The following KDM3B variants were observed in gnomAD, a reference collection of about 807,000 sequenced individuals.
The protein encoded by KDM3B is lysine-specific demethylase 3B.
In KDM3B, 10 loss-of-function variants were observed where a neutral mutation model predicts 170.0. The observed-to-expected ratio is 0.06, with a 90% CI of 0.04 to 0.10. KDM3B has a LOEUF of 0.10. Among genes scored for constraint, KDM3B ranks in the 10% least tolerant of loss-of-function variants. The probability of loss-of-function intolerance (pLI) is 1.00; values close to 1 mark genes in which losing one functional copy is unlikely to be tolerated. For missense variants in KDM3B, 1,394 were observed against 2,195.2 expected (o/e 0.64, Z 7.29); for synonymous variants, 831 against 834.8 (o/e 1.00, Z 0.08).
chr5:138,424,091 C>T lies in KDM3B; in HGVS notation c.3989C>T (p.Ala1330Val), dbSNP rs766006938. The change falls in exon 16 of 24, where the codon GCC becomes GTC. Residue 1330 changes from alanine (A) to valine (V), a missense_variant. Ala to Val is a moderately conservative substitution (Grantham distance 64, BLOSUM62 0). Coordinates refer to ENST00000314358, the MANE Select transcript of KDM3B (RefSeq NM_016604.4). Reference sequence around the variant, plus strand: ...GTCTGGCAGGGAGTGAAGAGCAAGGCCAGCCTACCCAACTTTCTTGACCAC... The same window carrying T: ...GTCTGGCAGGGAGTGAAGAGCAAGGTCAGCCTACCCAACTTTCTTGACCAC... ...STSSAGVKSK[A>V]SLPNFLDHII... 2.5e-6 allele frequency: 4 copies of T among 1,569,382 alleles called. No individual in the cohort carries two copies. In the Admixed American group the frequency reaches 7.1e-5, roughly 28 times the overall value.
chr5:138,428,270 G>T (rs1763445780), intron 20 of KDM3B, among the ~76,000 whole-genome samples, 184 bp downstream of exon 20: 1 of 151,560 alleles, frequency 6.6e-6, no homozygotes, highest in Admixed American at 6.6e-5. Context: ...GTGCAGAGGT[G>T]CGATCTTGGC....
At chr5:138,429,750 T>C (rs1763483653) in intron 20 of KDM3B, 76 bp from the exon 21 acceptor site, 1 of 1,503,568 alleles carries the variant, frequency 6.7e-7, no homozygotes, top group Middle Eastern at 1.7e-4. Context: ...TCAATTTATT[T>C]AAATTGGACA....
intron 1 of KDM3B, among the ~76,000 whole-genome samples, chr5:138,362,281 T>A (rs1202610326): frequency 6.8e-6 from 1 of 146,668 alleles, no homozygotes; most frequent in Non-Finnish European, 1.5e-5. Flanking sequence ...TGCACCACTG[T>A]ACTCCAGCCT....
chr5:138,429,724 TGGA>T, intron 20 of KDM3B, 99 bp from the exon 21 acceptor site: 1 of 1,270,484 alleles, frequency 7.9e-7, no homozygotes. Context: ...ATTCCAGAGA[TGGA>T]GAAGAGTAAA....
intron 1 of KDM3B, among the ~76,000 whole-genome samples, chr5:138,363,629 C>T (rs1310947135): frequency 6.6e-6 from 1 of 151,998 alleles, no homozygotes; most frequent in Admixed American, 6.6e-5. Context: ...TCACTGCATC[C>T]TCCGCATCCC....
rs920630174 is a variant in KDM3B, at chr5:138,427,201, G to A, written c.4515G>A (p.Leu1505=). 1 of 1,613,226 alleles carries A rather than the reference G, an allele frequency of 6.2e-7. No homozygotes were observed. The highest frequency in any genetic ancestry group is 8.5e-7 in the Non-Finnish European group (1 of 1,179,192). ...RDMMPTRFED[L]MENLPLPEYT... is the part of the protein sequence containing the mutation. ...TGCACTTTTATAGGTTTGAAGATCT[G>A]ATGGAGAACCTTCCTCTGCCAGAAT... Residue 1505 remains leucine (L), a synonymous_variant, in exon 19 of 24, where the codon CTG becomes CTA. Coordinates refer to ENST00000314358, the MANE Select transcript of KDM3B (RefSeq NM_016604.4).
chr5:138,399,431 G>A (rs897099192), intron 10 of KDM3B, among the ~76,000 whole-genome samples: 2 of 151,684 alleles, frequency 1.3e-5, no homozygotes, highest in East Asian at 2.0e-4. Context: ...CCAGCTACTC[G>A]GGAGGCTGAG....
intron 8 of KDM3B, 84 bp from the exon 9 acceptor site, chr5:138,393,087 C>T: frequency 7.6e-7 from 1 of 1,320,168 alleles, no homozygotes; most frequent in African/African-American, 1.4e-5. Context: ...CAGGTCAGAA[C>T]AAATGTCTGT....
chr5:138,385,256 G>A (rs1281021373), intron 6 of KDM3B, among the ~76,000 whole-genome samples: 1 of 152,002 alleles, frequency 6.6e-6, no homozygotes, highest in Non-Finnish European at 1.5e-5. Context: ...CCTGACCTCA[G>A]GTAGATCCAC....
chr5:138,409,223 AAAG>A (rs965274242), intron 11 of KDM3B, among the ~76,000 whole-genome samples: 6 of 152,310 alleles, frequency 3.9e-5, no homozygotes, highest in Non-Finnish European at 7.4e-5. Context: ...AAGGAAAACA[AAAG>A]AAGAGACATA....
intron 14 of KDM3B, among the ~76,000 whole-genome samples, chr5:138,419,652 CAAAAA>C (rs1170205178): frequency 1.5e-4 from 7 of 47,084 alleles, no homozygotes; most frequent in South Asian, 2.5e-3. Flanking sequence ...GACTCTGTCT[CAAAAA>C]AAAAAAAAAA....
At chr5:138,414,337 T>C (rs1489174112) in intron 11 of KDM3B, among the ~76,000 whole-genome samples, 3 of 152,210 alleles carry the variant, frequency 2.0e-5, no homozygotes, top group African/African-American at 7.2e-5. Context: ...GGCTAATTTT[T>C]TGTATTTTTA....
At position 138,391,311 on chromosome 5, in the gene KDM3B, G is replaced by C; in HGVS notation, c.1679G>C (p.Ser560Thr). 6.2e-7 allele frequency: 1 copy of C among 1,614,114 alleles called. No homozygotes were observed. Among genetic ancestry groups the C allele is most frequent in the Non-Finnish European group, 8.5e-7 (1 of 1,180,020 alleles). Reference protein sequence around the residue: ...DSSSRDSFKQSLESLSSGLCK... With the variant: ...DSSSRDSFKQTLESLSSGLCK... ...TCTAGTCGGGACTCATTCAAACAAA[G>C]CCTTGAGAGCCTGAGCTCAGGCCTG... Residue 560 changes from serine (S) to threonine (T), a missense_variant, in exon 8 of 24, where the codon AGC becomes ACC. Around this residue, in one of 19 missense-constraint regions of KDM3B, gnomAD observed 294 missense variants for 311.7 expected, o/e 0.94. Transcript: ENST00000314358. The surrounding 1 kb of genome is among the most constrained non-coding windows in gnomAD (Gnocchi z 5.0).
intron 11 of KDM3B, among the ~76,000 whole-genome samples, chr5:138,409,371 GATCA>G (rs1318555827): frequency 1.3e-5 from 2 of 152,062 alleles, no homozygotes; most frequent in Non-Finnish European, 2.9e-5. Flanking sequence ...AACATACAAA[GATCA>G]ATTATTTTTC....
At chr5:138,404,678 C>T (rs1447889641) in intron 11 of KDM3B, among the ~76,000 whole-genome samples, 17 of 151,190 alleles carry the variant, frequency 1.1e-4, no homozygotes. Flanking sequence ...GTCCTGTAGG[C>T]CAGAAGACAA....
At chr5:138,403,892 T>C (rs1333224991) in intron 11 of KDM3B, among the ~76,000 whole-genome samples, 1 of 150,028 alleles carries the variant, frequency 6.7e-6, no homozygotes, top group East Asian at 1.9e-4. Context: ...ATTAAGGATT[T>C]AAAGAAATAC....
intron 1 of KDM3B, among the ~76,000 whole-genome samples, chr5:138,366,305 T>TC (rs2126915311): frequency 6.6e-6 from 1 of 152,202 alleles, no homozygotes; most frequent in East Asian, 1.9e-4. Context: ...TTTGAGAACT[T>TC]CCCCCCATTG....
chr5:138,399,134 C>T (rs1285607995), intron 10 of KDM3B, among the ~76,000 whole-genome samples: 1 of 151,520 alleles, frequency 6.6e-6, no homozygotes, highest in Non-Finnish European at 1.5e-5. Context: ...GTGATCTGCC[C>T]GCCTCAGCCT....
chr5:138,392,084 C>T lies in KDM3B; in HGVS notation c.2452C>T (p.Leu818=). The T allele has an allele frequency of 3.1e-6, 5 of 1,612,356 alleles. No individual in the cohort carries two copies. The highest frequency in any genetic ancestry group is 1.7e-5 in the Admixed American group (1 of 59,964). ...QDSDSSTNSD[L]SDLSDSEEQL... ...CTCGGACTCCAGCACCAACAGTGAC[C>T]TGTCAGATTTGAGTGACTCTGAGGA... The change falls in exon 8 of 24, where the codon CTG becomes TTG. Residue 818 remains leucine (L), a synonymous_variant. Coordinates refer to ENST00000314358, the MANE Select transcript of KDM3B (RefSeq NM_016604.4).
Sources: allele counts gnomAD v4.1 joint callset (sites outside exome capture counted in the v4.1 genomes callset), GRCh38; gene constraint gnomAD v4.1.1; regional missense constraint gnomAD v4.1.1; non-coding constraint Gnocchi (gnomAD v3.1); transcripts MANE v1.5; gene names NCBI Gene and HGNC (gene_info 2026-07-23, HGNC 2026-07-21).